PLPPR1: variants seen among roughly 807,000 people sequenced by gnomAD.
PLPPR1 encodes phospholipid phosphatase related 1.
A neutral mutation model predicts 33.1 loss-of-function variants in PLPPR1; 10 were observed. That is an observed-to-expected ratio of 0.30 (90% CI 0.19 to 0.51). PLPPR1 has a LOEUF of 0.51. Ranked by LOEUF, PLPPR1 falls within the 20% of genes least tolerant of loss-of-function variation. PLPPR1 has a pLI of 0.97. For synonymous variants in PLPPR1, 151 were observed against 151.0 expected (o/e 1.00, Z 0.00); for missense variants, 304 against 408.1 (o/e 0.74, Z 2.20).
chr9:101,182,514 A>G (rs1244967238), intron 1 of PLPPR1, among the ~76,000 whole-genome samples: 1 of 149,584 alleles, frequency 6.7e-6, no homozygotes, highest in Non-Finnish European at 1.5e-5. Context: ...TTATTTGTCA[A>G]TTAAAGAAAA....
intron 4 of PLPPR1, among the ~76,000 whole-genome samples, chr9:101,308,323 G>A (rs574439592): frequency 6.6e-6 from 1 of 152,288 alleles, no homozygotes; most frequent in South Asian, 2.1e-4. Context: ...CTGGAAAGAG[G>A]CCATAAGATA....
At chr9:101,299,115 A>G (rs771946978) in intron 4 of PLPPR1, among the ~76,000 whole-genome samples, 22 of 152,318 alleles carry the variant, frequency 1.4e-4, no homozygotes, top group Non-Finnish European at 3.1e-4. Flanking sequence ...AAATGTCAAG[A>G]GCAAGGCAGG....
chr9:101,129,675 C>CA lies in PLPPR1; in HGVS notation c.-45-55768dup, dbSNP rs537306385. ...TGAAACCCCGTCTCTACTAAAAATA[C>CA]AAAAAAATAGCCAGGTGTGGTGGCG... On this transcript the variant is annotated intron_variant, in intron 1 of 7. Transcript: ENST00000374874. 3.1e-3 allele frequency among the ~76,000 whole-genome samples: 466 copies of CA among 152,108 alleles called. 3 individuals are homozygous for CA. Among genetic ancestry groups the CA allele is most frequent in the African/African-American group, 0.011 (447 of 41,486 alleles).
At chr9:101,210,091 C>A (rs146853150) in intron 2 of PLPPR1, among the ~76,000 whole-genome samples, 1 of 152,090 alleles carries the variant, frequency 6.6e-6, no homozygotes, top group African/African-American at 2.4e-5. Context: ...TTTTTATGTC[C>A]TGATAATTGC....
chr9:101,287,962 A>G (rs1349231119), intron 4 of PLPPR1, among the ~76,000 whole-genome samples: 4 of 152,230 alleles, frequency 2.6e-5, no homozygotes, highest in Non-Finnish European at 5.9e-5. Flanking sequence ...TGTATATATA[A>G]TTAAAGCAAG....
At chr9:101,064,687 T>C (rs141954707) in intron 1 of PLPPR1, among the ~76,000 whole-genome samples, 49 of 152,192 alleles carry the variant, frequency 3.2e-4, no homozygotes, top group African/African-American at 1.2e-3. Flanking sequence ...TTACTATAAC[T>C]GAATATCTGA....
At chr9:101,317,337 C>T (rs569019402) in intron 6 of PLPPR1, 28 bp from the exon 7 acceptor site, 2 of 1,607,192 alleles carry the variant, frequency 1.2e-6, no homozygotes, top group Non-Finnish European at 1.7e-6. Flanking sequence ...CAGTCTGACC[C>T]CATTCTTTTT....
chr9:101,133,934 A>G (rs1413013788), intron 1 of PLPPR1, among the ~76,000 whole-genome samples: 2 of 152,196 alleles, frequency 1.3e-5, no homozygotes, highest in African/African-American at 4.8e-5. Context: ...CATTTACAAA[A>G]TTGGATCCGT....
intron 2 of PLPPR1, among the ~76,000 whole-genome samples, chr9:101,203,953 T>C (rs1826542675): frequency 6.6e-6 from 1 of 152,240 alleles, no homozygotes; most frequent in South Asian, 2.1e-4. Flanking sequence ...TCTTTGTTTT[T>C]CTTATTACTG....
At position 101,309,443 on chromosome 9, in the gene PLPPR1, C is replaced by T. The variant is rs1303840948; in HGVS notation, c.618C>T (p.Tyr206=). Residue 206 remains tyrosine (Y), a synonymous_variant, in exon 5 of 8, where the codon TAC becomes TAT. Transcript: ENST00000374874. The stretch of plus-strand genomic sequence containing the variant: ...CCAAACACGCTGCTCTGAGCATTTA[C>T]TCCGCCTTATATGCCACGGTGAGTG... ...FPSKHAALSI[Y]SALYATMYIT... 3 of 1,614,002 alleles carry T rather than the reference C, an allele frequency of 1.9e-6. No individual in the cohort carries two copies. Among genetic ancestry groups the T allele is most frequent in the African/African-American group, 1.3e-5 (1 of 74,922 alleles).
intron 2 of PLPPR1, among the ~76,000 whole-genome samples, chr9:101,248,867 A>G (rs1233552873): frequency 6.6e-6 from 1 of 152,106 alleles, no homozygotes; most frequent in African/African-American, 2.4e-5. Flanking sequence ...CCTTCTAAAT[A>G]TAAAAAGGTG....
intron 2 of PLPPR1, among the ~76,000 whole-genome samples, chr9:101,245,395 T>C (rs1221501291): frequency 3.9e-5 from 6 of 151,980 alleles, no homozygotes; most frequent in African/African-American, 7.2e-5. Flanking sequence ...ACATACAATG[T>C]TCAATGAAAT....
chr9:101,261,989 A>G (rs1040331433), intron 2 of PLPPR1, among the ~76,000 whole-genome samples: 1 of 152,070 alleles, frequency 6.6e-6, no homozygotes, highest in African/African-American at 2.4e-5. Context: ...TAAAAGTTAA[A>G]AAAAAAAAGA....
chr9:101,134,097 C>T (rs1564154198), intron 1 of PLPPR1, among the ~76,000 whole-genome samples: 1 of 152,116 alleles, frequency 6.6e-6, no homozygotes, highest in Non-Finnish European at 1.5e-5. Context: ...CCTAACTAAA[C>T]TCAAGTTTAG....
chr9:101,288,005 T>G (rs1047963827), intron 4 of PLPPR1, among the ~76,000 whole-genome samples: 1 of 152,234 alleles, frequency 6.6e-6, no homozygotes, highest in Non-Finnish European at 1.5e-5. Context: ...GCAATTAAAT[T>G]GGAATACCTT....
At chr9:101,038,754 A>T (rs974214564) in intron 1 of PLPPR1, among the ~76,000 whole-genome samples, 2 of 152,158 alleles carry the variant, frequency 1.3e-5, no homozygotes, top group African/African-American at 4.8e-5. Flanking sequence ...TTCATGCCTT[A>T]TGTAACTGCT....
At chr9:101,190,126 C>T (rs1473099314) in intron 2 of PLPPR1, among the ~76,000 whole-genome samples, 1 of 152,032 alleles carries the variant, frequency 6.6e-6, no homozygotes, top group East Asian at 1.9e-4. Context: ...TCAAACGTAT[C>T]GTCAAAGTTG....
At chr9:101,199,221 C>A (rs1826450634) in intron 2 of PLPPR1, among the ~76,000 whole-genome samples, 1 of 152,174 alleles carries the variant, frequency 6.6e-6, no homozygotes. Context: ...TGAAAAACTT[C>A]TGAATATAAG....
chr9:101,255,736 C>T (rs1167811448), intron 2 of PLPPR1, among the ~76,000 whole-genome samples: 3 of 152,068 alleles, frequency 2.0e-5, no homozygotes, highest in Non-Finnish European at 4.4e-5. Flanking sequence ...AGTTTAGGGG[C>T]AAGAAAACAA....
Sources: gnomAD v4.1 joint callset for allele counts (sites outside exome capture counted in the v4.1 genomes callset) on GRCh38, gnomAD v4.1.1 for gene constraint, MANE v1.5 for transcripts, NCBI Gene and HGNC (gene_info 2026-07-23, HGNC 2026-07-21) for gene names.